RANBP2: variants seen among roughly 807,000 people sequenced by gnomAD.
The protein encoded by RANBP2 is E3 SUMO-protein ligase RanBP2.
RANBP2 carries 57 observed loss-of-function variants against 303.6 expected under a neutral mutation model. The ratio of observed to expected loss-of-function variants is 0.19; its 90% confidence interval spans 0.15 to 0.23. The LOEUF (loss-of-function observed/expected upper bound fraction) is 0.23. RANBP2 is among the 10% of genes least tolerant of loss of function. RANBP2 has a pLI of 1.00. For missense variants in RANBP2, 3,138 were observed against 3,780.8 expected, an observed-to-expected ratio of 0.83 and a Z score of 4.46; for synonymous variants, 1,167 against 1,301.5, an observed-to-expected ratio of 0.90 and a Z score of 2.23.
At chr2:108,755,721 T>C (rs988722141) in intron 17 of RANBP2, among the ~76,000 whole-genome samples, 1 of 151,604 alleles carries the variant, frequency 6.6e-6, no homozygotes, top group African/African-American at 2.4e-5. Context: ...CCCTTTACCA[T>C]ATTTTGTTTT....
the RANBP2 span, among the ~76,000 whole-genome samples, chr2:109,079,351 G>C: frequency 6.6e-6 from 1 of 152,104 alleles, no homozygotes; most frequent in East Asian, 1.9e-4. Flanking sequence ...TGAATTGACT[G>C]TTTGTGTTAT....
chr2:109,040,036 TA>T, the RANBP2 span, among the ~76,000 whole-genome samples: 4 of 152,228 alleles, frequency 2.6e-5, no homozygotes, highest in African/African-American at 9.6e-5. Context: ...CCCAGAAACA[TA>T]AAGTTATTTT....
the RANBP2 span, among the ~76,000 whole-genome samples, chr2:108,915,665 C>T: frequency 1.3e-5 from 2 of 152,172 alleles, no homozygotes; most frequent in African/African-American, 4.8e-5. Context: ...TTTGGGAGGC[C>T]GAGGCGGGAG....
In RANBP2 at chr2:108,767,180, A is replaced by G. The variant is rs770171080; in HGVS notation, c.6641A>G (p.Asn2214Ser). The G allele has an allele frequency of 9.3e-6, 15 of 1,611,952 alleles. No individual in the cohort carries two copies. The highest frequency in any genetic ancestry group is 8.8e-5 in the South Asian group (8 of 90,998). Residue 2214 changes from asparagine to serine, a missense_variant, in exon 20 of 29, where the codon AAT becomes AGT. Around this residue, in one of 20 missense-constraint regions of RANBP2, gnomAD observed 103 missense variants for 214.3 expected, o/e 0.48. Transcript: ENST00000283195. ...AGASDTTIKP[N>S]PENTGPTLEW... is the part of the protein sequence containing the mutation. ...GCCTCAGACACAACAATAAAACCCAATCCTGAAAACACTGGGCCCACATTA... is the reference window on the plus strand; with the variant it reads ...GCCTCAGACACAACAATAAAACCCAGTCCTGAAAACACTGGGCCCACATTA...
downstream of RANBP2, chr2:108,788,175 T>C: frequency 2.2e-6 from 3 of 1,391,112 alleles, no homozygotes; most frequent in Non-Finnish European, 2.9e-6. Context: ...TCCCAGCACT[T>C]TGGGAGGCCG....
At chr2:109,760,372 G>GGGCGGGGCCGGGGGCCA in the RANBP2 span, 1 of 207,186 alleles carries the variant, frequency 4.8e-6, no homozygotes, top group Non-Finnish European at 7.8e-6. Context: ...GCAGGGCCGG[G>GGGCGGGGCCGGGGGCCA]GGCGGGGCCG....
chr2:108,798,002 G>A, the RANBP2 span, among the ~76,000 whole-genome samples: 1 of 150,250 alleles, frequency 6.7e-6, no homozygotes. Context: ...TAGCTGAGTA[G>A]CATGGGACCA....
chr2:109,057,707 G>A, the RANBP2 span, among the ~76,000 whole-genome samples: 1 of 152,296 alleles, frequency 6.6e-6, no homozygotes, highest in Middle Eastern at 3.4e-3. Context: ...GTGGGGAGAG[G>A]TGCAGGCTGA....
At chr2:108,742,096 A>C (rs942983946) in intron 7 of RANBP2, among the ~76,000 whole-genome samples, 1 of 151,640 alleles carries the variant, frequency 6.6e-6, no homozygotes, top group Non-Finnish European at 1.5e-5. Context: ...TCCCGGGTTC[A>C]AGCGATTGTC....
rs1355580167 is a variant in RANBP2 at position 108,785,321 on chromosome 2, G to A, written c.*1420G>A. 6.6e-6 allele frequency: 1 copy of A among 152,170 alleles called. No individual in the cohort carries two copies. The highest frequency in any genetic ancestry group is 2.1e-4 in the South Asian group (1 of 4,830). 9.4% of individuals were successfully genotyped at this position (152,170 alleles called of 1,614,324 possible). A position where few individuals can be genotyped will look rare whatever the true frequency, so the allele number is the denominator to read the frequency against. On this transcript the variant is annotated 3_prime_UTR_variant, in exon 29 of 29. Coordinates refer to ENST00000283195, the MANE Select transcript of RANBP2 (RefSeq NM_006267.5). The stretch of plus-strand genomic sequence containing the variant: ...ACTCCAAATGTATCAGTTCAGTCTT[G>A]AACCATGGATTACATATGTTTACAC...
At chr2:109,726,381 G>A in the RANBP2 span, among the ~76,000 whole-genome samples, 2 of 151,958 alleles carry the variant, frequency 1.3e-5, no homozygotes, top group Non-Finnish European at 2.9e-5. Flanking sequence ...CTGCACTCCA[G>A]CCTGGTGACA....
the RANBP2 span, among the ~76,000 whole-genome samples, chr2:109,161,000 T>C: frequency 6.6e-6 from 1 of 152,056 alleles, no homozygotes. Context: ...CTGGGAGAAC[T>C]GAGCCTGGCA....
the RANBP2 span, among the ~76,000 whole-genome samples, chr2:109,434,368 C>G: frequency 6.6e-6 from 1 of 152,246 alleles, no homozygotes; most frequent in Non-Finnish European, 1.5e-5. Context: ...CAGTTTCTCT[C>G]CTCTGATTCT....
the RANBP2 span, among the ~76,000 whole-genome samples, chr2:109,114,115 G>A: frequency 2.0e-5 from 3 of 152,150 alleles, no homozygotes; most frequent in East Asian, 5.8e-4. Flanking sequence ...TTGTGTCTCT[G>A]CCCAGCTTTG....
the RANBP2 span, among the ~76,000 whole-genome samples, chr2:109,468,811 G>A: frequency 0.033 from 4,835 of 147,888 alleles, 246 homozygotes; most frequent in African/African-American, 0.1. Flanking sequence ...CCAAGATCGC[G>A]GCAGTGCACT....
the RANBP2 span, among the ~76,000 whole-genome samples, chr2:109,510,557 G>A: frequency 1.2e-3 from 179 of 152,324 alleles, no homozygotes; most frequent in African/African-American, 3.8e-3. Context: ...AAGGAACCCC[G>A]GTTCCATCCT....
the RANBP2 span, among the ~76,000 whole-genome samples, chr2:109,266,356 G>T: frequency 6.6e-6 from 1 of 151,934 alleles, no homozygotes; most frequent in African/African-American, 2.4e-5. Flanking sequence ...GTATACACAG[G>T]ATCCACTCTG....
the RANBP2 span, among the ~76,000 whole-genome samples, chr2:108,923,792 G>GC: frequency 5.3e-5 from 8 of 152,200 alleles, no homozygotes; most frequent in South Asian, 1.2e-3. Context: ...GGCCTGCTTA[G>GC]CCCCCCAGGG....
the RANBP2 span, among the ~76,000 whole-genome samples, chr2:108,968,703 G>C: frequency 1.3e-5 from 2 of 152,286 alleles, no homozygotes; most frequent in South Asian, 4.1e-4. Context: ...TTTACTCTGG[G>C]TAGCCCTGGG....
Sources: gnomAD v4.1 joint callset for allele counts (sites outside exome capture counted in the v4.1 genomes callset) on GRCh38, gnomAD v4.1.1 for gene constraint, gnomAD v4.1.1 regional missense constraint, MANE v1.5 for transcripts, NCBI Gene and HGNC (gene_info 2026-07-23, HGNC 2026-07-21) for gene names.